GLYATL1: variants seen among roughly 807,000 people sequenced by gnomAD.
The protein encoded by GLYATL1 is glycine-N-acyltransferase like 1, also known as glycine N-acyltransferase-like protein 1.
GLYATL1 carries 15 observed loss-of-function variants against 20.0 expected under a neutral mutation model. The ratio of observed to expected loss-of-function variants is 0.75; its 90% CI spans 0.50 to 1.15. GLYATL1 has a LOEUF of 1.15. GLYATL1 is among the 50% of genes most tolerant of loss of function. The pLI is 0.00. For missense variants in GLYATL1, 380 were observed against 368.5 expected (o/e 1.03, Z -0.26); for synonymous variants, 151 against 131.5 (o/e 1.15, Z -1.01).
rs140092025 is a variant in GLYATL1, at chr11:58,955,938, C to G, written c.820C>G (p.Arg274Gly). Reference sequence around the variant, plus strand: ...TGTGTTGGAAGAAAATGAAGACTCCCGCAGATTTGTGGGGCAGTTTGGTTT... The same window carrying G: ...TGTGTTGGAAGAAAATGAAGACTCCGGCAGATTTGTGGGGCAGTTTGGTTT... The part of the protein sequence containing the change: ...ISVLEENEDS[R>G]RFVGQFGFFE... The change falls in exon 7 of 7, where the codon CGC (arginine) becomes GGC (glycine). Residue 274 changes from arginine (R) to glycine (G), a missense_variant. Arg to Gly is a moderately radical substitution (Grantham distance 125). Transcript: ENST00000532726. The G allele has an allele frequency of 6.2e-7, 1 of 1,614,170 alleles. No homozygotes were observed. The highest frequency in any genetic ancestry group is 2.2e-5 in the East Asian group (1 of 44,890).
upstream of GLYATL1, among the ~76,000 whole-genome samples, chr11:58,926,043 A>C (rs1855419090): frequency 6.6e-6 from 1 of 152,234 alleles, no homozygotes; most frequent in Non-Finnish European, 1.5e-5. Context: ...CATTAATTAA[A>C]TGAGTGTTAT....
chr11:58,910,611 T>C (rs1855017352), downstream of GLYATL1, among the ~76,000 whole-genome samples: 1 of 151,930 alleles, frequency 6.6e-6, no homozygotes, highest in South Asian at 2.1e-4. Context: ...AGAACTAGAG[T>C]GTAAAACTGC....
At chr11:58,948,574 G>C (rs931968142) in intron 4 of GLYATL1, among the ~76,000 whole-genome samples, 12 of 152,110 alleles carry the variant, frequency 7.9e-5, no homozygotes, top group African/African-American at 2.7e-4. Context: ...CCAGAAGGTC[G>C]AGGTTGCATT....
intron 1 of GLYATL1, among the ~76,000 whole-genome samples, chr11:58,932,088 G>T (rs933684578): frequency 3.8e-5 from 5 of 130,152 alleles, no homozygotes; most frequent in Non-Finnish European, 7.8e-5. Context: ...CTCCAGCCTA[G>T]GGGACAGAAG....
At chr11:58,915,985 A>G (rs1458800969) in intron 1 of GLYATL1, among the ~76,000 whole-genome samples, 4 of 152,198 alleles carry the variant, frequency 2.6e-5, no homozygotes, top group African/African-American at 9.6e-5. Flanking sequence ...GCCTCTCTGA[A>G]TGAGCCAGAT....
rs117044942 is a variant in GLYATL1, at chr11:58,940,976, T to C, written c.-167+1326T>C. Among the ~76,000 whole-genome samples, 5 of 152,032 alleles carry C rather than the reference T, an allele frequency of 3.3e-5. No individual in the cohort carries two copies. The East Asian group carries it at 5.8e-4, about 18-fold the overall frequency. On this transcript the variant is annotated intron_variant, in intron 1 of 6. Coordinates refer to ENST00000532726, the MANE Select transcript of GLYATL1 (RefSeq NM_001389712.2). ...AGCGAGACCCTGTCAAAAAGACAAA[T>C]AGAGGCAGAGAATGACAATGGGGCA...
At chr11:58,914,945 G>T (rs1157890567) in intron 1 of GLYATL1, among the ~76,000 whole-genome samples, 1 of 152,192 alleles carries the variant, frequency 6.6e-6, no homozygotes, top group Non-Finnish European at 1.5e-5. Flanking sequence ...GTCAATTCCA[G>T]CTGCGCCCCA....
intron 4 of GLYATL1, among the ~76,000 whole-genome samples, chr11:58,949,458 A>G (rs1274442296): frequency 3.3e-5 from 5 of 152,214 alleles, no homozygotes; most frequent in Non-Finnish European, 7.3e-5. Context: ...TATTTAATCA[A>G]TGGTCCAATT....
At chr11:58,954,660 G>T in intron 4 of GLYATL1, 110 bp from the exon 5 acceptor site, 1 of 948,388 alleles carries the variant, frequency 1.1e-6, no homozygotes, top group East Asian at 2.5e-5. Context: ...AGCCATCATG[G>T]GCCACTGTTA....
rs1381011564 is a variant in GLYATL1 at position 58,943,159 on chromosome 11, T to C, written c.-166-384T>C. 10 of 1,080,454 alleles carry C rather than the reference T, an allele frequency of 9.3e-6. No individual in the cohort carries two copies. The East Asian group carries it at 2.2e-4, about 24-fold the overall frequency. 66.9% of individuals were successfully genotyped at this position (1,080,454 alleles called of 1,614,324 possible). ...TGAGAAGGACTCTGTACTTCTTCAT[T>C]TGAGTCCTTGTGGGTAAACTGTAAC... On this transcript the variant is annotated intron_variant, in intron 1 of 6. Coordinates refer to ENST00000532726, the MANE Select transcript of GLYATL1 (RefSeq NM_001389712.2).
chr11:58,910,594 A>G (rs898068323), downstream of GLYATL1, among the ~76,000 whole-genome samples: 16 of 152,200 alleles, frequency 1.1e-4, no homozygotes, highest in African/African-American at 3.6e-4. Flanking sequence ...GCATCCACTT[A>G]TAGAACAGAA....
chr11:58,943,127 T>A, intron 1 of GLYATL1: 2 of 761,344 alleles, frequency 2.6e-6, no homozygotes, highest in Non-Finnish European at 3.8e-6. Flanking sequence ...ACAAACTAAT[T>A]ACAGCCTGAG....
chr11:58,940,847 G>A (rs770065487), intron 1 of GLYATL1, among the ~76,000 whole-genome samples: 1 of 152,076 alleles, frequency 6.6e-6, no homozygotes, highest in Non-Finnish European at 1.5e-5. Flanking sequence ...CATGCTTGTA[G>A]TTCCAGCTAC....
chr11:58,924,438 A>G (rs1452421639), upstream of GLYATL1, among the ~76,000 whole-genome samples: 1 of 152,208 alleles, frequency 6.6e-6, no homozygotes, highest in Non-Finnish European at 1.5e-5. Flanking sequence ...AGCTGCCTTC[A>G]GCCTGTTTAA....
intron 1 of GLYATL1, among the ~76,000 whole-genome samples, chr11:58,914,213 C>T (rs1855114961): frequency 6.6e-6 from 1 of 152,196 alleles, no homozygotes; most frequent in Non-Finnish European, 1.5e-5. Context: ...ACCTGCAGGT[C>T]CCACCCTCTC....
At chr11:58,922,255 T>G (rs186743848) in intron 1 of GLYATL1, among the ~76,000 whole-genome samples, 7 of 152,324 alleles carry the variant, frequency 4.6e-5, no homozygotes, top group Admixed American at 4.6e-4. Flanking sequence ...TTGAGCTGTT[T>G]CAGTCTGGCC....
chr11:58,955,570 T>C, intron 6 of GLYATL1, 40 bp from the exon 7 acceptor site: 1 of 1,593,522 alleles, frequency 6.3e-7, no homozygotes. Context: ...ATTACAGGAT[T>C]GGGGATGAAA....
rs368881670 is a variant in GLYATL1, at chr11:58,913,783, G to A, written n.264+8122G>A. On this transcript the variant is annotated intron_variant and non_coding_transcript_variant, in intron 1 of 2. Transcript: ENST00000534674. ...AGGTGATATCTGAGACCTCAAAGGAGTGAGCAGGTGAGTCTTAGATGGAAA... is the reference window on the plus strand; with the variant it reads ...AGGTGATATCTGAGACCTCAAAGGAATGAGCAGGTGAGTCTTAGATGGAAA... Among the ~76,000 whole-genome samples the A allele has an allele frequency of 6.6e-5, 10 of 152,184 alleles. No homozygotes were observed. The East Asian group carries it at 7.7e-4, about 12-fold the overall frequency.
chr11:58,949,105 C>T (rs1790523523), intron 4 of GLYATL1, among the ~76,000 whole-genome samples: 2 of 152,166 alleles, frequency 1.3e-5, no homozygotes, highest in South Asian at 2.1e-4. Context: ...AATGATGGAG[C>T]TGAAATGGTA....
Sources: allele counts gnomAD v4.1 joint callset (sites outside exome capture counted in the v4.1 genomes callset), GRCh38; gene constraint gnomAD v4.1.1; transcripts MANE v1.5; gene names NCBI Gene and HGNC (gene_info 2026-07-23, HGNC 2026-07-21).